The following AGAP1 variants were observed in gnomAD, a reference collection of about 807,000 sequenced individuals.
The protein encoded by AGAP1 is ArfGAP with GTPase domain, ankyrin repeat and PH domain 1, also known as arf-GAP with GTPase, ANK repeat and PH domain-containing protein 1.
AGAP1 carries 29 observed loss-of-function variants against 105.3 expected under a neutral mutation model. That is an observed-to-expected ratio of 0.28 (90% CI 0.21 to 0.38). The LOEUF (loss-of-function observed/expected upper bound fraction) is 0.38. Among genes scored for constraint, AGAP1 ranks in the 10% least tolerant of loss-of-function variants. The pLI, the probability that AGAP1 is intolerant of heterozygous loss-of-function variation, is 1.00. For missense variants in AGAP1, 998 were observed against 1,165.1 expected (o/e 0.86, Z 2.09); for synonymous variants, 509 against 485.9 (o/e 1.05, Z -0.63).
chr2:235,745,114 T>A (rs985683119), intron 5 of AGAP1, among the ~76,000 whole-genome samples: 20 of 150,776 alleles, frequency 1.3e-4, no homozygotes, highest in Admixed American at 3.9e-4. Flanking sequence ...GGAAAAAAAA[T>A]ATATATGTGT....
intron 1 of AGAP1, among the ~76,000 whole-genome samples, chr2:235,561,596 C>T: frequency 6.6e-6 from 1 of 152,142 alleles, no homozygotes; most frequent in East Asian, 1.9e-4. Flanking sequence ...ACAGTCCCAG[C>T]CCCAGGCAAG....
At chr2:235,670,631 T>C (rs1446498274) in intron 1 of AGAP1, 3 of 617,998 alleles carry the variant, frequency 4.9e-6, no homozygotes, top group Non-Finnish European at 8.6e-6. Flanking sequence ...CCACAGCAGC[T>C]CCGGGAGCCT....
chr2:235,785,023 C>T (rs1252563559), intron 6 of AGAP1, among the ~76,000 whole-genome samples: 1 of 152,224 alleles, frequency 6.6e-6, no homozygotes, highest in Non-Finnish European at 1.5e-5. Flanking sequence ...GTCACTGTCA[C>T]TTCTTCCCGT....
chr2:235,600,540 A>G lies in AGAP1; in HGVS notation c.163+105691A>G, dbSNP rs1945694391. Among the ~76,000 whole-genome samples, 1 of 152,200 alleles carries G rather than the reference A, an allele frequency of 6.6e-6. No homozygotes were observed. Among genetic ancestry groups the G allele is most frequent in the African/African-American group, 2.4e-5 (1 of 41,446 alleles). ...AAAGGGGAGTTTATTAAGGAGTATT[A>G]ACTCACAGGATCACAAGGTCCCACA... On this transcript the variant is annotated intron_variant, in intron 1 of 17. Transcript: ENST00000304032. The surrounding 1 kb of genome is among the most constrained non-coding windows in gnomAD (Gnocchi z 4.8).
intron 1 of AGAP1, among the ~76,000 whole-genome samples, chr2:235,658,687 C>G (rs1019772691): frequency 6.6e-6 from 1 of 152,056 alleles, no homozygotes; most frequent in Non-Finnish European, 1.5e-5. Context: ...GAACAGCTAC[C>G]CAGCCTTTCC....
rs2059341560 is a variant in AGAP1 at position 236,101,385 on chromosome 2, C to T, written c.2115-18807C>T. 6.6e-6 allele frequency among the ~76,000 whole-genome samples: 1 copy of T among 152,194 alleles called. No homozygotes were observed. Among genetic ancestry groups the T allele is most frequent in the South Asian group, 2.1e-4 (1 of 4,834 alleles). On this transcript the variant is annotated intron_variant, in intron 16 of 17. Transcript: ENST00000304032. This position sits in a 1 kb window ranked among gnomAD's most constrained non-coding sequence, Gnocchi z 4.9. ...TTGGAAGCCTACTTGGAGTTCTCTG[C>T]AGCTTTTTCTGAATGTGTCGCCGTG...
intron 1 of AGAP1, among the ~76,000 whole-genome samples, chr2:235,686,667 T>TATAGATATATATATATATATATATA (rs1949463209): frequency 9.6e-6 from 1 of 104,402 alleles, no homozygotes; most frequent in Non-Finnish European, 1.8e-5. Context: ...ATATATATAT[T>TATAGATATATATATATATATATATA]TTTTTTTTTT....
At chr2:235,508,987 G>A (rs755941717) in intron 1 of AGAP1, among the ~76,000 whole-genome samples, 1 of 152,202 alleles carries the variant, frequency 6.6e-6, no homozygotes, top group Non-Finnish European at 1.5e-5. Flanking sequence ...CGGGGGCGTG[G>A]TGGTGGCTGC....
intron 16 of AGAP1, among the ~76,000 whole-genome samples, chr2:236,094,284 A>G (rs1164086114): frequency 4.0e-5 from 6 of 151,096 alleles, no homozygotes; most frequent in Admixed American, 6.6e-5. Flanking sequence ...ATGAGACTCT[A>G]TATCTTTAAA....
chr2:236,115,667 G>A (rs2125956210), intron 16 of AGAP1, among the ~76,000 whole-genome samples: 1 of 152,314 alleles, frequency 6.6e-6, no homozygotes, highest in African/African-American at 2.4e-5. Context: ...TGAAATTTCA[G>A]CTGCTAACAA....
intron 16 of AGAP1, among the ~76,000 whole-genome samples, chr2:236,093,007 G>A (rs2059103102): frequency 1.3e-5 from 2 of 152,216 alleles, no homozygotes; most frequent in Admixed American, 1.3e-4. Flanking sequence ...GGCAGTTTAT[G>A]TGACACATTT....
chr2:235,625,408 C>T lies in AGAP1; in HGVS notation c.164-83771C>T, dbSNP rs768965622. Among the ~76,000 whole-genome samples the T allele has an allele frequency of 1.3e-5, 2 of 152,184 alleles. No individual in the cohort carries two copies. Among genetic ancestry groups the T allele is most frequent in the South Asian group, 4.1e-4 (2 of 4,824 alleles). Reference sequence around the variant, plus strand: ...GAAGAAATTCATGGGAGTCCTGCATCGCTGAGGTCAGGGGAGGTTCTGTAA... The same window carrying T: ...GAAGAAATTCATGGGAGTCCTGCATTGCTGAGGTCAGGGGAGGTTCTGTAA... On this transcript the variant is annotated intron_variant, in intron 1 of 17. Transcript: ENST00000304032. The surrounding 1 kb of genome is among the most constrained non-coding windows in gnomAD (Gnocchi z 4.0).
In AGAP1 at chr2:235,509,802, AGTACTG is replaced by A. The variant is rs1941994742; in HGVS notation, c.163+14955_163+14960del. On this transcript the variant is annotated intron_variant, in intron 1 of 17. Transcript: ENST00000304032. ...GTCCCCAGCCTCTGGGCCATGGACC[AGTACTG>A]GGCCTATTAGGAACCAGGCCACACA... is the stretch of plus-strand genomic sequence containing the variant. Among the ~76,000 whole-genome samples, 5 of 152,210 alleles carry A rather than the reference AGTACTG, an allele frequency of 3.3e-5. No individual in the cohort carries two copies. In the South Asian group the frequency reaches 1.0e-3, roughly 32 times the overall value.
intron 11 of AGAP1, among the ~76,000 whole-genome samples, chr2:235,915,978 A>G (rs1188405024): frequency 2.0e-5 from 3 of 152,212 alleles, no homozygotes; most frequent in African/African-American, 7.2e-5. Flanking sequence ...TCTCAAGAGC[A>G]ACATGCATTC....
intron 16 of AGAP1, among the ~76,000 whole-genome samples, chr2:236,086,920 C>G (rs1387705100): frequency 6.6e-6 from 1 of 151,380 alleles, no homozygotes; most frequent in Non-Finnish European, 1.5e-5. Flanking sequence ...CGCTCCCTCC[C>G]TGGTTGAGTA....
At chr2:236,028,936 T>A (rs947219022) in intron 13 of AGAP1, among the ~76,000 whole-genome samples, 1 of 152,094 alleles carries the variant, frequency 6.6e-6, no homozygotes, top group Admixed American at 6.6e-5. Context: ...CTCTTATTGA[T>A]TTTTTTTCTT....
At chr2:236,022,022 G>A (rs2056899813) in intron 13 of AGAP1, among the ~76,000 whole-genome samples, 1 of 134,326 alleles carries the variant, frequency 7.4e-6, no homozygotes. Context: ...TGAAGCCACT[G>A]CACTCCAGTC....
At chr2:235,774,280 C>T (rs1239958357) in intron 6 of AGAP1, 1 of 460,286 alleles carries the variant, frequency 2.2e-6, no homozygotes, top group Non-Finnish European at 4.5e-6. Flanking sequence ...TATCCACAGC[C>T]ATCAGAGGAG....
Position 236,038,390 on chromosome 2 carries a change from T to A in AGAP1, c.1800+1675T>A, listed in dbSNP as rs562330796. On this transcript the variant is annotated intron_variant, in intron 14 of 17. Coordinates refer to ENST00000304032, the MANE Select transcript of AGAP1 (RefSeq NM_001037131.3). This position sits in a 1 kb window ranked among gnomAD's most constrained non-coding sequence, Gnocchi z 4.5. ...TGAGCCCCTGCCACCTCGACCTAAT[T>A]CAGGAAGATCTGGGATGGTGGCAGC... 6.6e-5 allele frequency among the ~76,000 whole-genome samples: 10 copies of A among 152,278 alleles called. No homozygotes were observed. In the East Asian group the frequency reaches 1.9e-3, roughly 29 times the overall value.
Sources: allele counts gnomAD v4.1 joint callset (sites outside exome capture counted in the v4.1 genomes callset), GRCh38; gene constraint gnomAD v4.1.1; non-coding constraint Gnocchi (gnomAD v3.1); transcripts MANE v1.5; gene names NCBI Gene and HGNC (gene_info 2026-07-23, HGNC 2026-07-21).